Variants in DCC observed in about 807,000 individuals in gnomAD.
DCC encodes the protein netrin receptor DCC.
A neutral mutation model predicts 172.5 loss-of-function variants in DCC; 58 were observed. The observed-to-expected ratio is 0.34, with a 90% CI of 0.27 to 0.42. The LOEUF (loss-of-function observed/expected upper bound fraction) is 0.42, where lower values mean the gene tolerates loss of function less well. Among genes scored for constraint, DCC ranks in the 10% least tolerant of loss-of-function variants. The pLI, the probability that DCC is intolerant of heterozygous loss-of-function variation, is 1.00. For missense variants in DCC, 1,740 were observed against 1,791.0 expected (o/e 0.97, Z 0.51); for synonymous variants, 709 against 644.5 (o/e 1.10, Z -1.52).
chr18:53,392,921 A>T (rs1327827489), intron 17 of DCC, among the ~76,000 whole-genome samples: 1 of 152,232 alleles, frequency 6.6e-6, no homozygotes, highest in Non-Finnish European at 1.5e-5. Context: ...TGAAGAAGTC[A>T]GTTTTGAAAA....
chr18:52,630,454 A>G (rs1014483666), intron 1 of DCC, among the ~76,000 whole-genome samples: 2 of 152,198 alleles, frequency 1.3e-5, no homozygotes, highest in Non-Finnish European at 2.9e-5. Context: ...CTTATTCGTA[A>G]GTAGGAATAA....
chr18:52,347,393 A>G (rs1375969106), intron 1 of DCC, among the ~76,000 whole-genome samples: 2 of 152,192 alleles, frequency 1.3e-5, no homozygotes, highest in East Asian at 1.9e-4. Flanking sequence ...GATACAATAC[A>G]TCACTATGAC....
At chr18:52,790,646 T>G (rs1022504378) in intron 2 of DCC, among the ~76,000 whole-genome samples, 4 of 152,194 alleles carry the variant, frequency 2.6e-5, no homozygotes, top group African/African-American at 9.6e-5. Flanking sequence ...ATATCAGAGT[T>G]GTCAAAGAGG....
Position 53,530,039 on chromosome 18 carries a change from C to CA in DCC, c.4255-516dup, listed in dbSNP as rs112242542. 5.8e-3 allele frequency among the ~76,000 whole-genome samples: 877 copies of CA among 150,592 alleles called. 12 individuals are homozygous for CA. The highest frequency in any genetic ancestry group is 0.016 in the South Asian group (77 of 4,736). ...GCAAAGCCCGCTGAGTTCTCACATA[C>CA]AAAAAAAAATGTATCTATGTCATGA... On this transcript the variant is annotated intron_variant, in intron 28 of 28. Transcript: ENST00000442544.
chr18:53,397,672 G>C (rs1018856388), intron 18 of DCC, among the ~76,000 whole-genome samples: 1 of 152,016 alleles, frequency 6.6e-6, no homozygotes, highest in African/African-American at 2.4e-5. Context: ...ATTAATACAC[G>C]GTTTCTTCAG....
At chr18:53,033,042 C>A (rs962862190) in intron 5 of DCC, among the ~76,000 whole-genome samples, 1 of 152,078 alleles carries the variant, frequency 6.6e-6, no homozygotes, top group African/African-American at 2.4e-5. Context: ...GAGTTAGTCT[C>A]CATGAAAGTT....
chr18:52,344,864 T>C (rs753052778), intron 1 of DCC, among the ~76,000 whole-genome samples: 103 of 152,310 alleles, frequency 6.8e-4, no homozygotes, highest in Non-Finnish European at 1.1e-3. Context: ...AAAATTAAAA[T>C]TCAATGTCCA....
At chr18:52,430,565 G>A (rs1987587971) in intron 1 of DCC, among the ~76,000 whole-genome samples, 1 of 151,992 alleles carries the variant, frequency 6.6e-6, no homozygotes, top group African/African-American at 2.4e-5. Flanking sequence ...GGGGTGCTTT[G>A]GGTTTGTGGT....
intron 26 of DCC, among the ~76,000 whole-genome samples, chr18:53,495,229 TA>T (rs1461532993): frequency 6.6e-6 from 1 of 151,844 alleles, no homozygotes; most frequent in Non-Finnish European, 1.5e-5. Context: ...CCATTTCTAC[TA>T]AAAATACAAA....
rs567376322 is a variant in DCC at position 52,409,837 on chromosome 18, C to G, written c.91+68959C>G. On this transcript the variant is annotated intron_variant, in intron 1 of 28. Coordinates refer to ENST00000442544, the MANE Select transcript of DCC (RefSeq NM_005215.4). ...AGGTAGGAAGGGCAAGTATCATTAT[C>G]CTTATTTTGCAGTTGGAGAAACTGA... Among the ~76,000 whole-genome samples, 5 of 152,208 alleles carry G rather than the reference C, an allele frequency of 3.3e-5. No individual in the cohort carries two copies. In the East Asian group the frequency reaches 9.7e-4, roughly 30 times the overall value.
intron 1 of DCC, among the ~76,000 whole-genome samples, chr18:52,436,837 T>A (rs1333777893): frequency 6.6e-6 from 1 of 152,178 alleles, no homozygotes; most frequent in Non-Finnish European, 1.5e-5. Flanking sequence ...CAAGAATCAC[T>A]TGAACTCAAG....
At chr18:52,570,663 T>C (rs1334548877) in intron 1 of DCC, among the ~76,000 whole-genome samples, 1 of 152,188 alleles carries the variant, frequency 6.6e-6, no homozygotes, top group Non-Finnish European at 1.5e-5. Context: ...AGAATGGATT[T>C]AGAAACTTGA....
Position 53,311,257 on chromosome 18 carries a change from G to C in DCC, c.2053+5538G>C, listed in dbSNP as rs557917520. Among the ~76,000 whole-genome samples the C allele has an allele frequency of 1.5e-3, 225 of 152,186 alleles. 1 individual carries two copies. Among genetic ancestry groups the C allele is most frequent in the African/African-American group, 5.2e-3 (217 of 41,528 alleles). On this transcript the variant is annotated intron_variant, in intron 13 of 28. Transcript: ENST00000442544. Reference sequence around the variant, plus strand: ...CTGCCTCAGCCTCACCAGTAGCTGGGATTACAGGCATGCACCACCACACCT... The same window carrying C: ...CTGCCTCAGCCTCACCAGTAGCTGGCATTACAGGCATGCACCACCACACCT...
At chr18:53,023,051 G>T (rs1443629331) in intron 5 of DCC, among the ~76,000 whole-genome samples, 6 of 151,918 alleles carry the variant, frequency 3.9e-5, no homozygotes, top group African/African-American at 7.3e-5. Flanking sequence ...TCAACATGCT[G>T]CTATGTAATC....
intron 15 of DCC, among the ~76,000 whole-genome samples, chr18:53,361,059 A>G (rs943768414): frequency 1.3e-5 from 2 of 152,132 alleles, no homozygotes; most frequent in African/African-American, 4.8e-5. Flanking sequence ...TGGGCCCTAA[A>G]TCCCATGATG....
At chr18:52,941,207 A>G (rs1291853980) in intron 5 of DCC, 1 of 152,302 alleles carries the variant, frequency 6.6e-6, no homozygotes, top group South Asian at 2.1e-4. Flanking sequence ...TCTTTTTAAT[A>G]TAGCCTATAG....
chr18:52,773,334 G>A (rs1471183535), intron 2 of DCC, among the ~76,000 whole-genome samples: 1 of 152,120 alleles, frequency 6.6e-6, no homozygotes, highest in African/African-American at 2.4e-5. Context: ...GAGTAAGTTA[G>A]TAGCCACAAC....
At chr18:52,984,610 A>G (rs944004562) in intron 5 of DCC, among the ~76,000 whole-genome samples, 2 of 152,244 alleles carry the variant, frequency 1.3e-5, no homozygotes, top group East Asian at 3.9e-4. Context: ...CTTTTATTAT[A>G]TCTTCTTTCA....
chr18:53,509,316 T>A (rs539138226), intron 27 of DCC, among the ~76,000 whole-genome samples: 1 of 152,348 alleles, frequency 6.6e-6, no homozygotes, highest in South Asian at 2.1e-4. Context: ...CATGTTACAG[T>A]ATGGGTAATG....
Sources: allele counts gnomAD v4.1 joint callset (sites outside exome capture counted in the v4.1 genomes callset), GRCh38; gene constraint gnomAD v4.1.1; transcripts MANE v1.5; gene names NCBI Gene and HGNC (gene_info 2026-07-23, HGNC 2026-07-21).